Variants in ARHGEF26 observed in about 807,000 individuals in gnomAD.
The protein encoded by ARHGEF26 is Rho guanine nucleotide exchange factor (GEF) 26.
A neutral mutation model predicts 89.4 loss-of-function variants in ARHGEF26; 59 were observed. That is an observed-to-expected ratio of 0.66 (90% confidence interval 0.54 to 0.82). The LOEUF (loss-of-function observed/expected upper bound fraction) is 0.82, where lower values mean the gene tolerates loss of function less well. Among genes scored for constraint, ARHGEF26 ranks in the 40% least tolerant of loss-of-function variants. The probability of loss-of-function intolerance (pLI) is 0.00; values close to 1 mark genes in which losing one functional copy is unlikely to be tolerated. For missense variants in ARHGEF26, 1,234 were observed against 1,085.6 expected, an observed-to-expected ratio of 1.14 and a Z score of -1.92; for synonymous variants, 500 against 428.4, an observed-to-expected ratio of 1.17 and a Z score of -2.06.
chr3:154,217,343 G>A, intron 9 of ARHGEF26, among the ~76,000 whole-genome samples: 1 of 151,916 alleles, frequency 6.6e-6, no homozygotes, highest in South Asian at 2.1e-4. Flanking sequence ...CTTTTGAGAA[G>A]TGTCTGTTCA....
At chr3:154,232,336 T>C (rs1192484237) in intron 11 of ARHGEF26, among the ~76,000 whole-genome samples, 1 of 152,188 alleles carries the variant, frequency 6.6e-6, no homozygotes, top group Non-Finnish European at 1.5e-5. Flanking sequence ...GGGATCCTCA[T>C]CTCCACTATT....
chr3:154,161,584 G>C (rs889135570), intron 6 of ARHGEF26, among the ~76,000 whole-genome samples: 3 of 152,074 alleles, frequency 2.0e-5, no homozygotes, highest in South Asian at 2.1e-4. Context: ...GTAAATATAT[G>C]CCTCTGCCAG....
At chr3:154,152,363 A>G (rs1720073790) in intron 5 of ARHGEF26, among the ~76,000 whole-genome samples, 5 of 152,154 alleles carry the variant, frequency 3.3e-5, no homozygotes. Context: ...AGAGATGACC[A>G]TAAATCCTTA....
chr3:154,175,027 T>G (rs544077025), intron 6 of ARHGEF26, among the ~76,000 whole-genome samples: 1 of 152,232 alleles, frequency 6.6e-6, no homozygotes, highest in African/African-American at 2.4e-5. Flanking sequence ...TGATTTACTG[T>G]GAATGGGTCT....
chr3:154,213,387 A>T (rs189900322), intron 9 of ARHGEF26, among the ~76,000 whole-genome samples: 1 of 152,244 alleles, frequency 6.6e-6, no homozygotes, highest in Admixed American at 6.5e-5. Context: ...CAATAAAAAC[A>T]GCAGAACATG....
intron 6 of ARHGEF26, among the ~76,000 whole-genome samples, chr3:154,172,333 C>T (rs1490981282): frequency 1.3e-5 from 2 of 152,182 alleles, no homozygotes; most frequent in Non-Finnish European, 2.9e-5. Flanking sequence ...GTGGATGAGT[C>T]TTCTGCTTTC....
At chr3:154,239,259 A>G (rs618182) in intron 11 of ARHGEF26, among the ~76,000 whole-genome samples, 4,517 of 103,398 alleles carry the variant, frequency 0.044, 185 homozygotes, top group African/African-American at 0.12. Flanking sequence ...CGAGAGAGAG[A>G]GGGAGAGAGA....
intron 9 of ARHGEF26, among the ~76,000 whole-genome samples, chr3:154,202,047 T>C (rs948830748): frequency 6.6e-6 from 1 of 152,182 alleles, no homozygotes; most frequent in Non-Finnish European, 1.5e-5. Context: ...TGTTGCCATT[T>C]GTTTTGGTGT....
At chr3:154,197,552 ATTC>A (rs1192257937) in intron 9 of ARHGEF26, among the ~76,000 whole-genome samples, 1 of 152,174 alleles carries the variant, frequency 6.6e-6, no homozygotes, top group African/African-American at 2.4e-5. Context: ...GTAGTTACTC[ATTC>A]TTGGAAAAAA....
chr3:154,214,111 C>T (rs1715575970), intron 9 of ARHGEF26, among the ~76,000 whole-genome samples: 1 of 152,140 alleles, frequency 6.6e-6, no homozygotes, highest in African/African-American at 2.4e-5. Flanking sequence ...ATGCATCCAA[C>T]ATTTGGTAGG....
At chr3:154,172,353 C>T (rs557066991) in intron 6 of ARHGEF26, among the ~76,000 whole-genome samples, 2 of 152,168 alleles carry the variant, frequency 1.3e-5, no homozygotes, top group African/African-American at 4.8e-5. Context: ...CATTTGTTTT[C>T]AGAATGTGGA....
At chr3:154,137,702 T>G (rs1238755330) in intron 4 of ARHGEF26, among the ~76,000 whole-genome samples, 1 of 151,686 alleles carries the variant, frequency 6.6e-6, no homozygotes, top group East Asian at 1.9e-4. Context: ...TTGGACCAGG[T>G]ACAGTGGGTC....
At chr3:154,158,037 C>A (rs1369466099) in intron 6 of ARHGEF26, among the ~76,000 whole-genome samples, 1 of 151,966 alleles carries the variant, frequency 6.6e-6, no homozygotes, top group Non-Finnish European at 1.5e-5. Context: ...TTTTTGGTTG[C>A]CCCAGTAGAC....
At chr3:154,223,714 A>G (rs987553332) in intron 10 of ARHGEF26, among the ~76,000 whole-genome samples, 21 of 152,298 alleles carry the variant, frequency 1.4e-4, no homozygotes, top group Non-Finnish European at 1.9e-4. Flanking sequence ...TGACTGCTCA[A>G]TGCATATGGG....
At chr3:154,188,199 T>A (rs401162) in intron 7 of ARHGEF26, among the ~76,000 whole-genome samples, 138,517 of 152,206 alleles carry the variant, frequency 0.91, 63,247 homozygotes, top group East Asian at 1. Flanking sequence ...ATTCTTGAGT[T>A]GATTGAGCTA....
chr3:154,154,276 A>C (rs1049272766), intron 6 of ARHGEF26, among the ~76,000 whole-genome samples: 1 of 151,960 alleles, frequency 6.6e-6, no homozygotes, highest in East Asian at 1.9e-4. Context: ...GGAATCAACC[A>C]TTTCCCCAAA....
intron 6 of ARHGEF26, among the ~76,000 whole-genome samples, chr3:154,186,559 G>A (rs9880950): frequency 0.23 from 34,353 of 151,832 alleles, 4,053 homozygotes; most frequent in South Asian, 0.37. Context: ...TCAGGAGTTA[G>A]AGACCAGCCT....
intron 6 of ARHGEF26, among the ~76,000 whole-genome samples, chr3:154,153,943 A>C (rs976312201): frequency 1.3e-5 from 2 of 152,236 alleles, no homozygotes; most frequent in Non-Finnish European, 2.9e-5. Flanking sequence ...TTGTTGAAGA[A>C]ATCCGGTCAT....
intron 12 of ARHGEF26, among the ~76,000 whole-genome samples, chr3:154,245,498 T>C (rs746624487): frequency 2.0e-5 from 3 of 152,246 alleles, no homozygotes; most frequent in Admixed American, 6.5e-5. Flanking sequence ...GTGTTTTTCA[T>C]ACTTCCTGGA....
Sources: gnomAD v4.1 joint callset for allele counts (sites outside exome capture counted in the v4.1 genomes callset) on GRCh38, gnomAD v4.1.1 for gene constraint, MANE v1.5 for transcripts, NCBI Gene and HGNC (gene_info 2026-07-23, HGNC 2026-07-21) for gene names.